The following TRERF1 variants were observed in gnomAD, a reference collection of about 807,000 sequenced individuals.
TRERF1 encodes the protein transcriptional-regulating factor 1.
In TRERF1, 27 loss-of-function variants were observed where a neutral mutation model predicts 122.9. That is an observed-to-expected ratio of 0.22 (90% CI 0.16 to 0.30). The LOEUF (loss-of-function observed/expected upper bound fraction) is 0.30, where lower values mean the gene tolerates loss of function less well. Ranked by LOEUF, TRERF1 falls within the 10% of genes least tolerant of loss-of-function variation. The pLI is 1.00. For synonymous variants in TRERF1, 636 were observed against 641.7 expected (o/e 0.99, Z 0.13); for missense variants, 1,248 against 1,560.3 (o/e 0.80, Z 3.37).
chr6:42,392,506 A>G (rs1777910756), intron 2 of TRERF1, among the ~76,000 whole-genome samples: 3 of 152,156 alleles, frequency 2.0e-5, no homozygotes, highest in Admixed American at 2.0e-4. Flanking sequence ...TCTTTATTAT[A>G]CCCTGGGCAG....
chr6:42,449,221 G>A (rs948750012), intron 2 of TRERF1, among the ~76,000 whole-genome samples: 1 of 152,254 alleles, frequency 6.6e-6, no homozygotes, highest in African/African-American at 2.4e-5. Context: ...TATGGAACCT[G>A]CAAAATTAAT....
intron 3 of TRERF1, among the ~76,000 whole-genome samples, chr6:42,352,323 C>T (rs975008579): frequency 2.0e-5 from 3 of 152,204 alleles, no homozygotes; most frequent in Non-Finnish European, 4.4e-5. Context: ...ATGGTTTCCT[C>T]AGCTAGTGTT....
intron 2 of TRERF1, among the ~76,000 whole-genome samples, chr6:42,446,431 TTCCAGGCTACTCTAATGAAA>T (rs1285981272): frequency 1.3e-5 from 2 of 152,160 alleles, no homozygotes; most frequent in Non-Finnish European, 2.9e-5. Flanking sequence ...AGAGAGGCCT[TTCCAGGCTACTCTAATGAAA>T]TCCATCCAAG....
chr6:42,422,636 C>T (rs1782960277), intron 2 of TRERF1, among the ~76,000 whole-genome samples: 6 of 152,060 alleles, frequency 3.9e-5, no homozygotes, highest in Admixed American at 3.9e-4. Flanking sequence ...TATGAAACAT[C>T]CTTCATTCTC....
At chr6:42,297,188 T>C (rs1030270541) in intron 4 of TRERF1, among the ~76,000 whole-genome samples, 1 of 152,178 alleles carries the variant, frequency 6.6e-6, no homozygotes, top group Admixed American at 6.5e-5. Flanking sequence ...CTGACTATTG[T>C]GGAGAAGAAA....
At chr6:42,433,864 A>T (rs1303635903) in intron 2 of TRERF1, among the ~76,000 whole-genome samples, 2 of 152,008 alleles carry the variant, frequency 1.3e-5, no homozygotes, top group Admixed American at 6.6e-5. Flanking sequence ...ACAAAAAAAA[A>T]ATTTTTTTTA....
intron 2 of TRERF1, among the ~76,000 whole-genome samples, chr6:42,371,911 GT>G (rs1773840459): frequency 6.6e-6 from 1 of 152,228 alleles, no homozygotes; most frequent in Non-Finnish European, 1.5e-5. Flanking sequence ...GCTGGGCGCA[GT>G]GGCTCATCCC....
chr6:42,318,266 T>A (rs769141985), intron 3 of TRERF1, among the ~76,000 whole-genome samples: 4 of 152,158 alleles, frequency 2.6e-5, no homozygotes, highest in Non-Finnish European at 5.9e-5. Flanking sequence ...TTTCGCTGAA[T>A]ACAAGTAGTT....
intron 3 of TRERF1, among the ~76,000 whole-genome samples, chr6:42,347,075 C>A (rs1341535725): frequency 6.6e-6 from 1 of 152,244 alleles, no homozygotes; most frequent in Non-Finnish European, 1.5e-5. Context: ...AGCTTATCAG[C>A]CATCCAGTTG....
intron 2 of TRERF1, among the ~76,000 whole-genome samples, chr6:42,389,315 C>T (rs1030425117): frequency 6.6e-6 from 1 of 152,216 alleles, no homozygotes. Flanking sequence ...CAAGGGAAAG[C>T]TGGCCCTAGA....
chr6:42,382,697 CT>C (rs930196310), intron 2 of TRERF1, among the ~76,000 whole-genome samples: 20 of 150,632 alleles, frequency 1.3e-4, no homozygotes, highest in African/African-American at 3.2e-4. Context: ...ATTCGTGCAG[CT>C]TTTTTTTTCA....
chr6:42,443,390 T>C (rs1165027298), intron 2 of TRERF1, among the ~76,000 whole-genome samples: 1 of 152,226 alleles, frequency 6.6e-6, no homozygotes, highest in Non-Finnish European at 1.5e-5. Context: ...GGATATCTTT[T>C]TAAAATGAGA....
intron 3 of TRERF1, among the ~76,000 whole-genome samples, chr6:42,323,079 G>A (rs1228287565): frequency 6.6e-6 from 1 of 151,756 alleles, no homozygotes; most frequent in Non-Finnish European, 1.5e-5. Flanking sequence ...AAAAAAAATG[G>A]ATTCAACAAA....
At chr6:42,278,972 C>T (rs1302401587) in intron 4 of TRERF1, among the ~76,000 whole-genome samples, 1 of 152,162 alleles carries the variant, frequency 6.6e-6, no homozygotes, top group Non-Finnish European at 1.5e-5. Flanking sequence ...TACCAACTCG[C>T]ACTGAGGACC....
At chr6:42,254,999 A>C in intron 12 of TRERF1, 73 bp from the exon 13 acceptor site, 3 of 1,485,154 alleles carry the variant, frequency 2.0e-6, no homozygotes, top group Non-Finnish European at 2.8e-6. Context: ...CATCTACCCA[A>C]AGGGGAAAAG....
chr6:42,403,065 G>A (rs545221792), intron 2 of TRERF1, among the ~76,000 whole-genome samples: 2 of 152,156 alleles, frequency 1.3e-5, no homozygotes, highest in South Asian at 2.1e-4. Flanking sequence ...AAGTATTGGG[G>A]TGCAAAAAAG....
intron 3 of TRERF1, among the ~76,000 whole-genome samples, chr6:42,321,393 T>C (rs1228285739): frequency 1.3e-5 from 2 of 151,156 alleles, no homozygotes; most frequent in African/African-American, 4.9e-5. Flanking sequence ...CCCAACTGGC[T>C]AGAGAGTTTG....
chr6:42,328,889 C>T lies in TRERF1; in HGVS notation c.-370-28140G>A, dbSNP rs1460661432. Among the ~76,000 whole-genome samples, 4 of 152,222 alleles carry T rather than the reference C, an allele frequency of 2.6e-5. No homozygotes were observed. The South Asian group carries it at 8.3e-4, about 32-fold the overall frequency. ...CTCATGCTCACCTGAGAGAAATTTA[C>T]CAGCATCCACCCCAGTCAGCCTCCT... is the stretch of plus-strand genomic sequence containing the variant. On this transcript the variant is annotated intron_variant, in intron 3 of 17. Transcript: ENST00000372922.
intron 2 of TRERF1, among the ~76,000 whole-genome samples, chr6:42,376,104 T>C (rs1384170282): frequency 6.6e-6 from 1 of 152,018 alleles, no homozygotes; most frequent in Non-Finnish European, 1.5e-5. Context: ...TCCCCAGATG[T>C]TGGGGTCAGC....
Sources: allele counts gnomAD v4.1 joint callset (sites outside exome capture counted in the v4.1 genomes callset), GRCh38; gene constraint gnomAD v4.1.1; transcripts MANE v1.5; gene names NCBI Gene and HGNC (gene_info 2026-07-23, HGNC 2026-07-21).